The following KIZ variants were observed in gnomAD, a reference collection of about 807,000 sequenced individuals.
The protein encoded by KIZ is centrosomal protein kizuna.
A neutral mutation model predicts 79.6 loss-of-function variants in KIZ; 68 were observed. The ratio of observed to expected loss-of-function variants is 0.85; its 90% confidence interval spans 0.70 to 1.05. The LOEUF (loss-of-function observed/expected upper bound fraction) is 1.05. Among genes scored for constraint, KIZ ranks in the 50% least tolerant of loss-of-function variants. The pLI is 0.00. For synonymous variants in KIZ, 280 were observed against 281.8 expected, an observed-to-expected ratio of 0.99 and a Z score of 0.06; for missense variants, 797 against 800.4, an observed-to-expected ratio of 1.00 and a Z score of 0.05.
At chr20:21,177,030 C>G (rs2034465640) in intron 6 of KIZ, among the ~76,000 whole-genome samples, 1 of 152,220 alleles carries the variant, frequency 6.6e-6, no homozygotes, top group South Asian at 2.1e-4. Flanking sequence ...GTTTCTAGAT[C>G]TTCGCTATTG....
intron 6 of KIZ, among the ~76,000 whole-genome samples, chr20:21,203,063 A>G (rs539879936): frequency 2.4e-4 from 37 of 152,352 alleles, no homozygotes; most frequent in Non-Finnish European, 3.8e-4. Context: ...TCTTCAGTTT[A>G]TCTAATACCT....
At chr20:21,212,720 G>C (rs1310412998) in intron 7 of KIZ, among the ~76,000 whole-genome samples, 2 of 152,226 alleles carry the variant, frequency 1.3e-5, no homozygotes, top group African/African-American at 4.8e-5. Flanking sequence ...GCTCAGTGCA[G>C]AACTGTTGGC....
At chr20:21,177,412 C>G (rs1313000312) in intron 6 of KIZ, among the ~76,000 whole-genome samples, 2 of 152,066 alleles carry the variant, frequency 1.3e-5, no homozygotes, top group Non-Finnish European at 2.9e-5. Flanking sequence ...AGGTCTTTAG[C>G]CCGTATTTTA....
intron 7 of KIZ, 83 bp from the exon 8 acceptor site, chr20:21,214,452 T>C: frequency 1.1e-6 from 1 of 904,406 alleles, no homozygotes; most frequent in African/African-American, 1.7e-5. Flanking sequence ...CTTAAAATTA[T>C]ATTTGAAGGC....
At position 21,229,007 on chromosome 20, in the gene KIZ, A is replaced by G. The variant is rs748348075; in HGVS notation, c.1679-4A>G. 8 of 1,558,136 alleles carry G rather than the reference A, an allele frequency of 5.1e-6. No individual in the cohort carries two copies. Among genetic ancestry groups the G allele is most frequent in the Admixed American group, 3.5e-5 (2 of 57,536 alleles). On this transcript the variant is annotated splice_polypyrimidine_tract_variant and splice_region_variant and intron_variant, in intron 9 of 12. Transcript: ENST00000619189. ...ATATTTCTGTGTTTTTCTTTAATCA[A>G]CAGAAACAGAAGCCTATCAGTTGCT...
At chr20:21,143,810 A>G (rs1188319852) in intron 3 of KIZ, among the ~76,000 whole-genome samples, 3 of 152,176 alleles carry the variant, frequency 2.0e-5, no homozygotes, top group African/African-American at 4.8e-5. Context: ...CGCTGTGGAA[A>G]ACTCCTGCTC....
intron 6 of KIZ, among the ~76,000 whole-genome samples, chr20:21,202,808 G>A (rs1252007572): frequency 6.6e-6 from 1 of 152,006 alleles, no homozygotes; most frequent in Non-Finnish European, 1.5e-5. Context: ...ACTTTTCTAA[G>A]TAAGTTGCAG....
At chr20:21,179,841 G>A (rs1188862927) in intron 6 of KIZ, among the ~76,000 whole-genome samples, 1 of 151,896 alleles carries the variant, frequency 6.6e-6, no homozygotes, top group African/African-American at 2.4e-5. Context: ...TTAGTGTGTT[G>A]TTTAATTTCC....
chr20:21,190,235 T>C (rs2035054125), intron 6 of KIZ, among the ~76,000 whole-genome samples: 1 of 152,248 alleles, frequency 6.6e-6, no homozygotes, highest in Admixed American at 6.5e-5. Context: ...TTGCGCTGGC[T>C]TTATTAAACT....
chr20:21,127,499 A>T (rs1055009939), intron 1 of KIZ, among the ~76,000 whole-genome samples: 22 of 152,230 alleles, frequency 1.4e-4, no homozygotes, highest in Non-Finnish European at 4.4e-5. Context: ...GTACTTTATG[A>T]TTAACACTTA....
At chr20:21,152,208 G>A (rs77783561) in intron 4 of KIZ, among the ~76,000 whole-genome samples, 2,880 of 152,182 alleles carry the variant, frequency 0.019, 85 homozygotes, top group African/African-American at 0.065. Context: ...GGAGAGGGAG[G>A]CAATGAGCTG....
Position 21,138,302 on chromosome 20 carries a change from G to A in KIZ, c.315+1750G>A, listed in dbSNP as rs765853528. ...AGTCCATCTGCTTGTAGAGTGATCC[G>A]CATTCTGAATCTAAGGCATCATTTA... On this transcript the variant is annotated intron_variant, in intron 3 of 12. Coordinates refer to ENST00000619189, the MANE Select transcript of KIZ (RefSeq NM_018474.6). Among the ~76,000 whole-genome samples the A allele has an allele frequency of 5.3e-5, 8 of 151,978 alleles. No homozygotes were observed. The East Asian group carries it at 1.4e-3, about 26-fold the overall frequency.
intron 2 of KIZ, among the ~76,000 whole-genome samples, chr20:21,135,666 A>G (rs573165119): frequency 6.6e-6 from 1 of 152,372 alleles, no homozygotes; most frequent in East Asian, 1.9e-4. Context: ...GCTGTATAAC[A>G]GGGAAGAAGA....
At chr20:21,234,460 C>T (rs923713034) in intron 11 of KIZ, among the ~76,000 whole-genome samples, 2 of 151,776 alleles carry the variant, frequency 1.3e-5, no homozygotes, top group African/African-American at 4.8e-5. Flanking sequence ...GTTTGGCGTG[C>T]TGTTTGTCAC....
intron 9 of KIZ, 73 bp from the exon 10 acceptor site, chr20:21,228,938 T>C: frequency 1.3e-6 from 1 of 753,342 alleles, no homozygotes; most frequent in Non-Finnish European, 2.2e-6. Flanking sequence ...GTTAATCTCA[T>C]AGGAAGAATT....
chr20:21,142,549 G>A (rs1412702453), intron 3 of KIZ, among the ~76,000 whole-genome samples: 2 of 151,978 alleles, frequency 1.3e-5, no homozygotes, highest in South Asian at 2.1e-4. Flanking sequence ...TAATAGCAGA[G>A]GTATTCTGAA....
chr20:21,204,443 G>A (rs1013187041), intron 6 of KIZ, among the ~76,000 whole-genome samples: 2 of 151,826 alleles, frequency 1.3e-5, no homozygotes, highest in African/African-American at 4.8e-5. Flanking sequence ...GAATCCAAAG[G>A]TTTATATTTT....
chr20:21,130,478 G>T (rs933702584), intron 1 of KIZ, among the ~76,000 whole-genome samples: 4 of 152,134 alleles, frequency 2.6e-5, no homozygotes, highest in East Asian at 1.9e-4. Flanking sequence ...AAACTCTAGG[G>T]GGGGAATGGT....
intron 6 of KIZ, among the ~76,000 whole-genome samples, chr20:21,176,021 A>G (rs1437707774): frequency 1.3e-5 from 2 of 152,038 alleles, no homozygotes; most frequent in East Asian, 3.9e-4. Context: ...GTCTGAAAAA[A>G]AATGGAGGCT....
Sources: gnomAD v4.1 joint callset for allele counts (sites outside exome capture counted in the v4.1 genomes callset) on GRCh38, gnomAD v4.1.1 for gene constraint, MANE v1.5 for transcripts, NCBI Gene and HGNC (gene_info 2026-07-23, HGNC 2026-07-21) for gene names.